NTRK2: variants seen among roughly 807,000 people sequenced by gnomAD.
NTRK2 encodes neurotrophic receptor tyrosine kinase 2.
In NTRK2, 13 loss-of-function variants were observed where a neutral mutation model predicts 94.5. The ratio of observed to expected loss-of-function variants is 0.14; its 90% CI spans 0.09 to 0.22. The LOEUF (loss-of-function observed/expected upper bound fraction) is 0.22, where lower values mean the gene tolerates loss of function less well. Ranked by LOEUF, NTRK2 falls within the 10% of genes least tolerant of loss-of-function variation. The pLI, the probability that NTRK2 is intolerant of heterozygous loss-of-function variation, is 1.00. For synonymous variants in NTRK2, 372 were observed against 407.4 expected (o/e 0.91, Z 1.05); for missense variants, 639 against 1,071.2 (o/e 0.60, Z 5.63).
intron 12 of NTRK2, chr9:84,811,275 GCAAAACAAAACAAAA>G: frequency 9.4e-7 from 1 of 1,064,312 alleles, no homozygotes; most frequent in Non-Finnish European, 1.1e-6. Context: ...TCCTTAGCCA[GCAAAACAAAACAAAA>G]CAAAACAAAC....
At chr9:84,924,760 G>A (rs758423499) in intron 14 of NTRK2, among the ~76,000 whole-genome samples, 4 of 152,124 alleles carry the variant, frequency 2.6e-5, no homozygotes, top group Non-Finnish European at 5.9e-5. Flanking sequence ...TAACATGCAG[G>A]TTAAATTAAG....
chr9:84,831,680 A>T (rs1455885248), intron 12 of NTRK2, among the ~76,000 whole-genome samples: 2 of 152,226 alleles, frequency 1.3e-5, no homozygotes, highest in Non-Finnish European at 2.9e-5. Flanking sequence ...AATAAATGTC[A>T]CAGCAAGAAT....
At chr9:84,945,715 C>T (rs1034177669) in intron 15 of NTRK2, among the ~76,000 whole-genome samples, 5 of 152,124 alleles carry the variant, frequency 3.3e-5, no homozygotes, top group Admixed American at 1.3e-4. Flanking sequence ...CCCCAGGTTC[C>T]GGCCACTGTT....
chr9:84,814,059 T>C, intron 12 of NTRK2: 1 of 1,064,958 alleles, frequency 9.4e-7, no homozygotes, highest in Non-Finnish European at 1.1e-6. Context: ...ACATTAGAGA[T>C]AATTGATTCA....
chr9:84,923,683 G>A (rs1030438140), intron 14 of NTRK2, among the ~76,000 whole-genome samples: 9 of 152,120 alleles, frequency 5.9e-5, no homozygotes, highest in East Asian at 1.9e-4. Context: ...TTGGAAGGAC[G>A]AGGCGGGCAG....
intron 12 of NTRK2, among the ~76,000 whole-genome samples, chr9:84,832,633 GGCTC>G (rs2073625240): frequency 6.6e-6 from 1 of 152,172 alleles, no homozygotes; most frequent in African/African-American, 2.4e-5. Flanking sequence ...TAATGTCTAT[GGCTC>G]CAGCTGTGTA....
At chr9:84,715,406 A>T (rs1027565651) in intron 6 of NTRK2, among the ~76,000 whole-genome samples, 12 of 152,116 alleles carry the variant, frequency 7.9e-5, no homozygotes, top group African/African-American at 2.9e-4. Flanking sequence ...GGGAAGCTTA[A>T]CTGCATCATT....
intron 12 of NTRK2, among the ~76,000 whole-genome samples, chr9:84,849,700 G>A (rs1374880695): frequency 1.3e-5 from 2 of 152,098 alleles, no homozygotes; most frequent in Non-Finnish European, 2.9e-5. Context: ...ATTCAGAGTG[G>A]GATGGAACTA....
In NTRK2 at chr9:84,988,975, T is replaced by C. The variant is rs996717467; in HGVS notation, c.2173-31231T>C. 7.2e-5 allele frequency among the ~76,000 whole-genome samples: 11 copies of C among 152,356 alleles called. No individual in the cohort carries two copies. The East Asian group carries it at 7.7e-4, about 11-fold the overall frequency. The stretch of plus-strand genomic sequence containing the variant: ...GGACTCTGGCTTTAAATCTGATAGT[T>C]GGATCTGCACAAAATTATGCTATCC... On this transcript the variant is annotated intron_variant, in intron 17 of 18. Coordinates refer to ENST00000277120, the MANE Select transcript of NTRK2 (RefSeq NM_006180.6).
intron 14 of NTRK2, among the ~76,000 whole-genome samples, chr9:84,900,044 T>G (rs1203918388): frequency 6.6e-6 from 1 of 152,224 alleles, no homozygotes; most frequent in East Asian, 1.9e-4. Context: ...ACTTACTTTT[T>G]GGGCATCTCA....
At chr9:84,753,128 G>C (rs1040674689) in intron 12 of NTRK2, among the ~76,000 whole-genome samples, 1 of 152,154 alleles carries the variant, frequency 6.6e-6, no homozygotes, top group African/African-American at 2.4e-5. Flanking sequence ...TTCTAAGCCA[G>C]AAATGAACAG....
At chr9:84,906,394 G>T (rs988046429) in intron 14 of NTRK2, among the ~76,000 whole-genome samples, 1 of 152,180 alleles carries the variant, frequency 6.6e-6, no homozygotes, top group African/African-American at 2.4e-5. Flanking sequence ...AAGTGTATTT[G>T]CCAGATTGAG....
At chr9:84,874,112 G>A in intron 14 of NTRK2, 1 of 1,064,864 alleles carries the variant, frequency 9.4e-7, no homozygotes, top group Non-Finnish European at 1.1e-6. Context: ...TGTACCAACA[G>A]GATGAATCCA....
chr9:84,860,887 GTTTGTTTA>G (rs2075303019), intron 12 of NTRK2, among the ~76,000 whole-genome samples, 145 bp from the exon 13 acceptor site: 1 of 134,942 alleles, frequency 7.4e-6, no homozygotes, highest in Admixed American at 7.9e-5. Context: ...ATCCCAAGTG[GTTTGTTTA>G]TTTATTTATT....
chr9:84,808,600 T>G (rs1328851362), intron 12 of NTRK2, among the ~76,000 whole-genome samples: 2 of 152,240 alleles, frequency 1.3e-5, no homozygotes, highest in African/African-American at 2.4e-5. Flanking sequence ...CATAGTGCAC[T>G]GTTAAACTAG....
chr9:84,836,660 G>T (rs1406696887), intron 12 of NTRK2, among the ~76,000 whole-genome samples: 2 of 146,718 alleles, frequency 1.4e-5, no homozygotes, highest in Non-Finnish European at 3.0e-5. Context: ...AGGATGCCTT[G>T]GATTTGGGGG....
At chr9:84,812,949 C>T (rs969904221) in intron 12 of NTRK2, 1 of 1,032,636 alleles carries the variant, frequency 9.7e-7, no homozygotes, top group African/African-American at 1.7e-5. Flanking sequence ...TTCTCGTGTT[C>T]TTTTCTTTTT....
Position 85,023,415 on chromosome 9 carries a change from G to C in NTRK2, c.*1978G>C, listed in dbSNP as rs1012486132. The C allele has an allele frequency of 1.7e-5, 4 of 232,070 alleles. No individual in the cohort carries two copies. Among genetic ancestry groups the C allele is most frequent in the Non-Finnish European group, 2.6e-5 (3 of 117,454 alleles). The allele number at this position is 232,070 out of a possible 1,614,324, so 14.4% of individuals were successfully genotyped here. On this transcript the variant is annotated 3_prime_UTR_variant, in exon 19 of 19. Coordinates refer to ENST00000277120, the MANE Select transcript of NTRK2 (RefSeq NM_006180.6). The stretch of plus-strand genomic sequence containing the variant: ...TGGAACACCTTATTTTTCATTAAAG[G>C]CTTTGAAAGCCAATTCTCAAAAATT...
intron 17 of NTRK2, among the ~76,000 whole-genome samples, chr9:84,991,424 C>T (rs1829053105): frequency 6.6e-6 from 1 of 152,176 alleles, no homozygotes; most frequent in South Asian, 2.1e-4. Flanking sequence ...ATCCTCTCAG[C>T]CAGGTATTAT....
Sources: gnomAD v4.1 joint callset for allele counts (sites outside exome capture counted in the v4.1 genomes callset) on GRCh38, gnomAD v4.1.1 for gene constraint, MANE v1.5 for transcripts, NCBI Gene and HGNC (gene_info 2026-07-23, HGNC 2026-07-21) for gene names.